Variants in CA10 observed in about 807,000 individuals in gnomAD.
The protein encoded by CA10 is carbonic anhydrase-related protein 10.
Under a neutral mutation model 44.2 loss-of-function variants are expected in CA10, and 14 were observed. That is an observed-to-expected ratio of 0.32 (90% confidence interval 0.21 to 0.50). The LOEUF (loss-of-function observed/expected upper bound fraction) is 0.50, where lower values mean the gene tolerates loss of function less well. Ranked by LOEUF, CA10 falls within the 20% of genes least tolerant of loss-of-function variation. The pLI, the probability that CA10 is intolerant of heterozygous loss-of-function variation, is 0.99. For missense variants in CA10, 350 were observed against 409.7 expected, an observed-to-expected ratio of 0.85 and a Z score of 1.26; for synonymous variants, 159 against 141.6, an observed-to-expected ratio of 1.12 and a Z score of -0.87.
intron 4 of CA10, among the ~76,000 whole-genome samples, chr17:51,711,853 G>A (rs1470679290): frequency 1.3e-5 from 2 of 152,186 alleles, no homozygotes; most frequent in African/African-American, 4.8e-5. Flanking sequence ...AGGTGGGAAT[G>A]TGGTAGCCTG....
intron 4 of CA10, among the ~76,000 whole-genome samples, chr17:51,671,097 G>A (rs1198244639): frequency 6.6e-6 from 1 of 152,166 alleles, no homozygotes; most frequent in African/African-American, 2.4e-5. Context: ...CTGGCTTGGT[G>A]TATCTGTCAG....
At chr17:52,092,693 T>G (rs1988299489) in intron 1 of CA10, among the ~76,000 whole-genome samples, 1 of 152,164 alleles carries the variant, frequency 6.6e-6, no homozygotes, top group Admixed American at 6.5e-5. Flanking sequence ...TGCAACCTGA[T>G]TTTCATTCCT....
chr17:51,766,451 A>G (rs935999875), intron 3 of CA10, among the ~76,000 whole-genome samples: 1 of 152,070 alleles, frequency 6.6e-6, no homozygotes, highest in Non-Finnish European at 1.5e-5. Flanking sequence ...GACAGGCAAC[A>G]TAGTAGGAGA....
chr17:51,863,762 G>C (rs1409786387), intron 3 of CA10, among the ~76,000 whole-genome samples: 1 of 152,180 alleles, frequency 6.6e-6, no homozygotes, highest in East Asian at 1.9e-4. Context: ...CAAAGTAAGA[G>C]ATGCATAGAA....
At chr17:51,862,995 CTA>C (rs1294709039) in intron 3 of CA10, among the ~76,000 whole-genome samples, 1 of 152,114 alleles carries the variant, frequency 6.6e-6, no homozygotes, top group Non-Finnish European at 1.5e-5. Flanking sequence ...AATATTCACT[CTA>C]TAACATAAAC....
chr17:51,639,883 C>T (rs1254180423), intron 6 of CA10, among the ~76,000 whole-genome samples: 2 of 152,258 alleles, frequency 1.3e-5, no homozygotes, highest in Admixed American at 1.3e-4. Flanking sequence ...GGTTGGAGTA[C>T]TTTGCTCACG....
chr17:52,114,734 T>C (rs549427629), intron 1 of CA10, among the ~76,000 whole-genome samples: 3 of 152,322 alleles, frequency 2.0e-5, no homozygotes, highest in Non-Finnish European at 4.4e-5. Flanking sequence ...GCCTTGTGTG[T>C]ATCTTACCCC....
Position 51,721,201 on chromosome 17 carries a change from G to A in CA10, c.465+26432C>T, listed in dbSNP as rs570157072. Among the ~76,000 whole-genome samples the A allele has an allele frequency of 3.0e-4, 45 of 152,090 alleles. No individual in the cohort carries two copies. The South Asian group carries it at 5.6e-3, about 19-fold the overall frequency. ...AAAAAAATTAGCCTGGCATGGTGGC[G>A]CGAGCCTGTGATCCCAGCTACTGGG... On this transcript the variant is annotated intron_variant, in intron 4 of 8. Transcript: ENST00000451037.
At chr17:51,993,648 A>T (rs1257620987) in intron 2 of CA10, among the ~76,000 whole-genome samples, 4 of 152,142 alleles carry the variant, frequency 2.6e-5, no homozygotes, top group Non-Finnish European at 5.9e-5. Context: ...AGAGAAAATA[A>T]CTCAAGGTCT....
chr17:51,849,853 C>T (rs929138745), intron 3 of CA10, among the ~76,000 whole-genome samples: 12 of 152,160 alleles, frequency 7.9e-5, no homozygotes, highest in African/African-American at 2.7e-4. Flanking sequence ...AATGAGACCA[C>T]TCTCTTTCTT....
At chr17:51,941,488 T>C (rs937256164) in intron 2 of CA10, among the ~76,000 whole-genome samples, 2 of 152,158 alleles carry the variant, frequency 1.3e-5, no homozygotes, top group Admixed American at 1.3e-4. Context: ...TGAAATTAGT[T>C]GATAGAAACT....
At chr17:51,980,249 T>C (rs1984607786) in intron 2 of CA10, among the ~76,000 whole-genome samples, 1 of 152,190 alleles carries the variant, frequency 6.6e-6, no homozygotes, top group South Asian at 2.1e-4. Flanking sequence ...GGTATTTCAT[T>C]GTGGTTTTCA....
At chr17:52,152,655 A>G (rs896826159) in intron 1 of CA10, among the ~76,000 whole-genome samples, 1 of 152,100 alleles carries the variant, frequency 6.6e-6, no homozygotes, top group East Asian at 1.9e-4. Context: ...ACAAATAAAC[A>G]TTACTCATAT....
chr17:51,796,142 G>A lies in CA10; in HGVS notation c.280-48324C>T, dbSNP rs543757469. 2.0e-4 allele frequency among the ~76,000 whole-genome samples: 30 copies of A among 152,078 alleles called. No homozygotes were observed. The South Asian group carries it at 6.3e-3, about 32-fold the overall frequency. On this transcript the variant is annotated intron_variant, in intron 3 of 8. Transcript: ENST00000451037. The stretch of plus-strand genomic sequence containing the variant: ...CTGGTCCTTCACCTTCTTTCCTAAC[G>A]CCACCCGAGGACCCCTAACATGGAG...
chr17:51,880,723 T>C (rs897595797), intron 3 of CA10, among the ~76,000 whole-genome samples: 1 of 152,094 alleles, frequency 6.6e-6, no homozygotes, highest in Non-Finnish European at 1.5e-5. Flanking sequence ...AAATCTTATT[T>C]ATTGGCATAT....
chr17:51,644,885 G>A (rs1335450324), intron 6 of CA10, among the ~76,000 whole-genome samples: 1 of 140,950 alleles, frequency 7.1e-6, no homozygotes, highest in South Asian at 2.3e-4. Context: ...TGCCACCTCC[G>A]CCTCCCGGGT....
chr17:51,818,397 G>A (rs768006368), intron 3 of CA10, among the ~76,000 whole-genome samples: 3 of 152,072 alleles, frequency 2.0e-5, no homozygotes, highest in African/African-American at 4.8e-5. Context: ...TTGTATTACC[G>A]CAGCACATCG....
At chr17:52,006,816 T>C (rs928264026) in intron 2 of CA10, among the ~76,000 whole-genome samples, 1 of 151,802 alleles carries the variant, frequency 6.6e-6, no homozygotes, top group Non-Finnish European at 1.5e-5. Context: ...TTGGACCCTC[T>C]TGGAATTTTA....
intron 1 of CA10, among the ~76,000 whole-genome samples, chr17:52,111,548 A>G (rs1167930635): frequency 2.0e-5 from 3 of 152,170 alleles, no homozygotes; most frequent in African/African-American, 7.2e-5. Flanking sequence ...AAATGAACGA[A>G]TAAGTAATGT....
Sources: allele counts gnomAD v4.1 joint callset (sites outside exome capture counted in the v4.1 genomes callset), GRCh38; gene constraint gnomAD v4.1.1; transcripts MANE v1.5; gene names NCBI Gene and HGNC (gene_info 2026-07-23, HGNC 2026-07-21).